Variants in CCDC33 observed in about 807,000 individuals in gnomAD.
CCDC33 encodes coiled-coil domain containing 33, also known as coiled-coil domain-containing protein 33.
In CCDC33, 94 loss-of-function variants were observed where a neutral mutation model predicts 91.9. That is an observed-to-expected ratio of 1.02 (90% CI 0.87 to 1.21). CCDC33 has a LOEUF of 1.21. CCDC33 is among the 50% of genes most tolerant of loss of function. The pLI is 0.00. For missense variants in CCDC33, 940 were observed against 935.5 expected, an observed-to-expected ratio of 1.00 and a Z score of -0.06; for synonymous variants, 396 against 374.5, an observed-to-expected ratio of 1.06 and a Z score of -0.66.
At chr15:74,303,082 C>T (rs1199931594) in intron 11 of CCDC33, 1 of 152,356 alleles carries the variant, frequency 6.6e-6, no homozygotes. Context: ...TCCTCAGCAC[C>T]ACCTGGTGGC....
chr15:74,208,938 G>A (rs1157416669), intron 1 of CCDC33: 1 of 997,520 alleles, frequency 1.0e-6, no homozygotes, highest in Non-Finnish European at 1.2e-6. Context: ...AGCACCAGCT[G>A]GGCTGGGATC....
chr15:74,269,550 C>T (rs2142417344), intron 5 of CCDC33, among the ~76,000 whole-genome samples: 1 of 152,334 alleles, frequency 6.6e-6, no homozygotes, highest in Non-Finnish European at 1.5e-5. Flanking sequence ...AATTCACACA[C>T]ACACAGAACA....
chr15:74,294,764 A>G (rs1302178697), intron 10 of CCDC33, among the ~76,000 whole-genome samples: 1 of 152,118 alleles, frequency 6.6e-6, no homozygotes, highest in Non-Finnish European at 1.5e-5. Context: ...AAAAAAAGAA[A>G]AAAAAATAGC....
intron 11 of CCDC33, among the ~76,000 whole-genome samples, chr15:74,309,535 C>T (rs1249816776): frequency 6.6e-6 from 1 of 152,188 alleles, no homozygotes; most frequent in East Asian, 1.9e-4. Flanking sequence ...ACAGTGCTAG[C>T]CCTTATCCCC....
intron 2 of CCDC33, chr15:74,209,693 C>A (rs1041095399): frequency 2.0e-6 from 1 of 508,698 alleles, no homozygotes; most frequent in East Asian, 3.3e-5. Context: ...TGCATCCCCC[C>A]TCACCTGAGC....
At chr15:74,243,406 G>A (rs1192496935) in intron 1 of CCDC33, among the ~76,000 whole-genome samples, 3 of 152,214 alleles carry the variant, frequency 2.0e-5, no homozygotes, top group Non-Finnish European at 4.4e-5. Context: ...GGACACCTGC[G>A]AAAGCTAAGG....
At chr15:74,229,085 C>T (rs145577276) in intron 2 of CCDC33, among the ~76,000 whole-genome samples, 1,709 of 152,344 alleles carry the variant, frequency 0.011, 15 homozygotes, top group Non-Finnish European at 0.016. Flanking sequence ...CTGTCACCCC[C>T]ACCCCCAGGC....
At chr15:74,307,512 G>A (rs1163590524) in intron 11 of CCDC33, among the ~76,000 whole-genome samples, 1 of 151,944 alleles carries the variant, frequency 6.6e-6, no homozygotes, top group Non-Finnish European at 1.5e-5. Context: ...ACAGGTTGGG[G>A]GTCTCCAGCC....
At position 74,327,707 on chromosome 15, in the gene CCDC33, GA is replaced by G. The variant is rs991459698; in HGVS notation, c.1291-2476del. On this transcript the variant is annotated intron_variant, in intron 11 of 18. Coordinates refer to ENST00000398814, the MANE Select transcript of CCDC33 (RefSeq NM_025055.5). Reference sequence around the variant, plus strand: ...TGAGTTGGAGAACAGGAGGGTCTTAGAAAAAATGACCCTCTGAATGAGAAGA... The same window carrying G: ...TGAGTTGGAGAACAGGAGGGTCTTAGAAAAATGACCCTCTGAATGAGAAGA... Among the ~76,000 whole-genome samples the G allele has an allele frequency of 2.6e-5, 4 of 152,264 alleles. No homozygotes were observed. The East Asian group carries it at 7.7e-4, about 29-fold the overall frequency.
chr15:74,245,624 C>T (rs569527768), intron 2 of CCDC33, among the ~76,000 whole-genome samples: 4 of 152,306 alleles, frequency 2.6e-5, no homozygotes, highest in Non-Finnish European at 5.9e-5. Context: ...GCGACCCGCG[C>T]CATCACCCGG....
intron 1 of CCDC33, among the ~76,000 whole-genome samples, chr15:74,207,066 G>A (rs351223): frequency 0.46 from 70,706 of 152,088 alleles, 16,847 homozygotes; most frequent in South Asian, 0.63. Context: ...GGCCCATGAA[G>A]GCCTTGGGAC....
intron 1 of CCDC33, chr15:74,209,174 GC>G: frequency 8.1e-7 from 1 of 1,237,904 alleles, no homozygotes; most frequent in Non-Finnish European, 1.1e-6. Context: ...AGGGGCTGGG[GC>G]CCCACACAAC....
upstream of CCDC33, among the ~76,000 whole-genome samples, chr15:74,213,788 C>T (rs991442323): frequency 6.6e-6 from 1 of 152,100 alleles, no homozygotes; most frequent in African/African-American, 2.4e-5. Flanking sequence ...CCTGGGGTGA[C>T]GTACCCCTGC....
chr15:74,269,903 C>T (rs76816771), intron 5 of CCDC33, among the ~76,000 whole-genome samples: 11,620 of 152,274 alleles, frequency 0.076, 562 homozygotes, highest in Middle Eastern at 0.16. Flanking sequence ...GTCTCATTCA[C>T]ACCTGATCAG....
At chr15:74,276,079 C>G (rs576263556) in intron 7 of CCDC33, among the ~76,000 whole-genome samples, 1 of 152,350 alleles carries the variant, frequency 6.6e-6, no homozygotes, top group South Asian at 2.1e-4. Context: ...GGGTTACATG[C>G]ACTTCCCTGA....
chr15:74,329,966 C>T (rs1207836736), intron 11 of CCDC33, among the ~76,000 whole-genome samples: 3 of 152,170 alleles, frequency 2.0e-5, no homozygotes, highest in Non-Finnish European at 2.9e-5. Flanking sequence ...GATGTGGCCC[C>T]GGGGAGAGAA....
At chr15:74,280,200 C>T in intron 8 of CCDC33, 108 bp downstream of exon 8, 1 of 1,358,186 alleles carries the variant, frequency 7.4e-7, no homozygotes. Flanking sequence ...ATGGATGGTT[C>T]CCAGGTGTCC....
At chr15:74,204,903 C>G (rs981001063) in intron 1 of CCDC33, among the ~76,000 whole-genome samples, 2 of 151,842 alleles carry the variant, frequency 1.3e-5, no homozygotes, top group South Asian at 2.1e-4. Flanking sequence ...CCACTGCACT[C>G]CAGCCTGGAC....
chr15:74,324,544 A>C (rs2060270273), intron 11 of CCDC33, among the ~76,000 whole-genome samples: 2 of 150,224 alleles, frequency 1.3e-5, no homozygotes, highest in African/African-American at 2.5e-5. Flanking sequence ...TTTTCCTCCT[A>C]CCTCTCTGGC....
Sources: allele counts gnomAD v4.1 joint callset (sites outside exome capture counted in the v4.1 genomes callset), GRCh38; gene constraint gnomAD v4.1.1; transcripts MANE v1.5; gene names NCBI Gene and HGNC (gene_info 2026-07-23, HGNC 2026-07-21).